Variants in CCDC148 observed in about 807,000 individuals in gnomAD.
CCDC148 encodes coiled-coil domain-containing protein 148.
A neutral mutation model predicts 85.7 loss-of-function variants in CCDC148; 89 were observed. That is an observed-to-expected ratio of 1.04 (90% CI 0.87 to 1.24). The LOEUF (loss-of-function observed/expected upper bound fraction) is 1.24. Ranked by LOEUF, CCDC148 falls within the 50% of genes most tolerant of loss-of-function variation. The pLI is 0.00. For synonymous variants in CCDC148, 230 were observed against 213.9 expected (o/e 1.08, Z -0.66); for missense variants, 692 against 671.7 (o/e 1.03, Z -0.33).
chr2:158,220,541 CAA>C, intron 11 of CCDC148, 52 bp downstream of exon 11: 1 of 1,212,106 alleles, frequency 8.3e-7, no homozygotes, highest in African/African-American at 1.5e-5. Context: ...TAACACTTTA[CAA>C]AAGACTCCAT....
intron 9 of CCDC148, among the ~76,000 whole-genome samples, chr2:158,308,208 T>A (rs941975852): frequency 3.1e-4 from 47 of 152,246 alleles, no homozygotes; most frequent in African/African-American, 1.0e-3. Context: ...ACTACATGTA[T>A]GTTTACCTCA....
chr2:158,271,767 C>T (rs1343153534), intron 9 of CCDC148, among the ~76,000 whole-genome samples: 4 of 152,098 alleles, frequency 2.6e-5, no homozygotes, highest in African/African-American at 9.7e-5. Flanking sequence ...GGGTCTTGGA[C>T]TGTATTCCTC....
At chr2:158,174,033 A>C (rs1299415404) in intron 13 of CCDC148, among the ~76,000 whole-genome samples, 1 of 151,956 alleles carries the variant, frequency 6.6e-6, no homozygotes, top group Non-Finnish European at 1.5e-5. Flanking sequence ...AACATGGTAT[A>C]AGTAAAACAA....
intron 11 of CCDC148, among the ~76,000 whole-genome samples, chr2:158,203,412 A>G (rs938123657): frequency 1.3e-5 from 2 of 152,122 alleles, no homozygotes; most frequent in African/African-American, 2.4e-5. Flanking sequence ...ATGTTTGGGC[A>G]TCATCACGGT....
At chr2:158,186,391 G>A (rs567132683) in intron 11 of CCDC148, among the ~76,000 whole-genome samples, 26 of 152,034 alleles carry the variant, frequency 1.7e-4, no homozygotes, top group Non-Finnish European at 3.1e-4. Flanking sequence ...TCATGGCATA[G>A]ACTTAGAAAG....
intron 1 of CCDC148, among the ~76,000 whole-genome samples, chr2:158,411,883 A>T (rs1188773547): frequency 6.6e-6 from 1 of 152,064 alleles, no homozygotes; most frequent in Non-Finnish European, 1.5e-5. Context: ...GCTGGGTGGG[A>T]TGTGCAGCAG....
intron 11 of CCDC148, among the ~76,000 whole-genome samples, chr2:158,191,751 T>C (rs1436375446): frequency 6.6e-6 from 1 of 152,046 alleles, no homozygotes; most frequent in East Asian, 1.9e-4. Context: ...GTTTCCGTTT[T>C]GTCTCAGAAT....
At chr2:158,369,350 G>A (rs1684338128) in intron 1 of CCDC148, among the ~76,000 whole-genome samples, 1 of 151,994 alleles carries the variant, frequency 6.6e-6, no homozygotes, top group Non-Finnish European at 1.5e-5. Context: ...TTATTTCCTT[G>A]AGCAGTGGTT....
chr2:158,223,399 G>A (rs969443860), intron 10 of CCDC148, among the ~76,000 whole-genome samples: 2 of 152,194 alleles, frequency 1.3e-5, no homozygotes, highest in African/African-American at 2.4e-5. Context: ...TAGGGGCAGG[G>A]CATTGCCAAA....
At chr2:158,187,873 CT>C (rs555696731) in intron 11 of CCDC148, among the ~76,000 whole-genome samples, 1 of 152,062 alleles carries the variant, frequency 6.6e-6, no homozygotes, top group East Asian at 1.9e-4. Context: ...TTTATTTGTT[CT>C]TTATGTAAGT....
intron 1 of CCDC148, among the ~76,000 whole-genome samples, chr2:158,435,335 A>G (rs559949743): frequency 6.6e-6 from 1 of 152,236 alleles, no homozygotes; most frequent in Non-Finnish European, 1.5e-5. Flanking sequence ...ACATTCTTAA[A>G]GAAAAGAATT....
At chr2:158,425,343 A>G in intron 1 of CCDC148, 1 of 502,588 alleles carries the variant, frequency 2.0e-6, no homozygotes, top group South Asian at 1.5e-5. Flanking sequence ...TGATGCTAAA[A>G]TAACCCATCT....
intron 11 of CCDC148, among the ~76,000 whole-genome samples, chr2:158,198,128 G>A (rs1685769849): frequency 6.6e-6 from 1 of 152,054 alleles, no homozygotes; most frequent in South Asian, 2.1e-4. Context: ...GATTTGGCAG[G>A]AGGACATTTC....
At chr2:158,446,874 T>A (rs1361189562) in intron 1 of CCDC148, among the ~76,000 whole-genome samples, 1 of 152,170 alleles carries the variant, frequency 6.6e-6, no homozygotes, top group Non-Finnish European at 1.5e-5. Flanking sequence ...AAATGAGGCC[T>A]CTTGTCTGGC....
At chr2:158,318,753 C>T (rs1477557948) in intron 7 of CCDC148, among the ~76,000 whole-genome samples, 1 of 150,920 alleles carries the variant, frequency 6.6e-6, no homozygotes, top group African/African-American at 2.4e-5. Flanking sequence ...AATAACATGA[C>T]CGAGATAAAA....
At chr2:158,203,205 G>A (rs1016695929) in intron 11 of CCDC148, among the ~76,000 whole-genome samples, 26 of 152,178 alleles carry the variant, frequency 1.7e-4, no homozygotes, top group African/African-American at 6.3e-4. Flanking sequence ...CCCACTGTCT[G>A]TGCCTTGAGG....
chr2:158,380,480 A>C (rs917525707), intron 1 of CCDC148, among the ~76,000 whole-genome samples: 1 of 152,168 alleles, frequency 6.6e-6, no homozygotes, highest in Non-Finnish European at 1.5e-5. Flanking sequence ...CACCACTTAT[A>C]AACTGTGGCA....
chr2:158,250,712 A>C, intron 10 of CCDC148, 60 bp downstream of exon 10: 1 of 1,457,048 alleles, frequency 6.9e-7, no homozygotes. Context: ...CAAGACCAAA[A>C]AGCTCAATCA....
intron 7 of CCDC148, among the ~76,000 whole-genome samples, chr2:158,321,434 C>A (rs1195912259): frequency 6.6e-6 from 1 of 152,116 alleles, no homozygotes; most frequent in Admixed American, 6.6e-5. Context: ...GGGAACTTCT[C>A]TCCTTATTAA....
Sources: gnomAD v4.1 joint callset for allele counts (sites outside exome capture counted in the v4.1 genomes callset) on GRCh38, gnomAD v4.1.1 for gene constraint, MANE v1.5 for transcripts, NCBI Gene and HGNC (gene_info 2026-07-23, HGNC 2026-07-21) for gene names.